ZNF430: variants seen among roughly 807,000 people sequenced by gnomAD.
ZNF430 encodes the protein zinc finger protein 430.
In ZNF430, 35 loss-of-function variants were observed where a neutral mutation model predicts 56.7. The observed-to-expected ratio is 0.62, with a 90% CI of 0.47 to 0.82. The LOEUF (loss-of-function observed/expected upper bound fraction) is 0.82. Ranked by LOEUF, ZNF430 falls within the 40% of genes least tolerant of loss-of-function variation. The pLI is 0.00. For missense variants in ZNF430, 574 were observed against 661.0 expected, an observed-to-expected ratio of 0.87 and a Z score of 1.44; for synonymous variants, 212 against 224.3, an observed-to-expected ratio of 0.94 and a Z score of 0.49.
chr19:21,052,280 G>T (rs1223155646), intron 4 of ZNF430, among the ~76,000 whole-genome samples: 2 of 152,132 alleles, frequency 1.3e-5, no homozygotes, highest in Non-Finnish European at 2.9e-5. Context: ...ACTGAGAAGG[G>T]CATGCATCCT....
At position 21,057,869 on chromosome 19, in the gene ZNF430, G is replaced by A. The variant is rs767861835; in HGVS notation, c.1561G>A (p.Ala521Thr). 6.2e-7 allele frequency: 1 copy of A among 1,613,842 alleles called. No individual in the cohort carries two copies. The highest frequency in any genetic ancestry group is 1.1e-5 in the South Asian group (1 of 91,068). The change falls in exon 5 of 5, where the codon GCC becomes ACC. Residue 521 changes from alanine to threonine, a missense_variant. By Grantham distance (58) the Ala-to-Thr change is moderately conservative (BLOSUM62 0). Around this residue, in one of 3 missense-constraint regions of ZNF430, gnomAD observed 213 missense variants for 221.0 expected, o/e 0.96. Transcript: ENST00000261560. ...TTACAAATACCTAGAATGTGATAAA[G>A]CCTTTAGCCAGTCTTCAACTCTTAC... ...TSYKYLECDK[A>T]FSQSSTLTKH...
At chr19:21,056,487 T>TA (rs78527457) in intron 4 of ZNF430, 144 bp from the exon 5 acceptor site, 98,819 of 460,362 alleles carry the variant, frequency 0.21, 2,244 homozygotes, top group Non-Finnish European at 0.23. Flanking sequence ...AGACTCTGTC[T>TA]AAAAAAAAAA....
chr19:21,033,513 C>T lies in ZNF430; in HGVS notation c.154C>T (p.Leu52=), dbSNP rs1967938972. ...IEFSLEEWQC[L]DTAQQDLYRK... is the part of the protein sequence containing the mutation. ...ATTTTCTCTGGAGGAGTGGCAATGCCTGGACACTGCTCAGCAGGATTTGTA... is the reference window on the plus strand; with the variant it reads ...ATTTTCTCTGGAGGAGTGGCAATGCTTGGACACTGCTCAGCAGGATTTGTA... Residue 52 remains leucine, a synonymous_variant, in exon 3 of 5, where the codon CTG becomes TTG. Transcript: ENST00000261560. 1.2e-6 allele frequency: 2 copies of T among 1,611,826 alleles called. No individual in the cohort carries two copies. The highest frequency in any genetic ancestry group is 1.3e-5 in the African/African-American group (1 of 74,824).
chr19:21,042,943 G>A (rs73014863), intron 4 of ZNF430, among the ~76,000 whole-genome samples: 10,800 of 152,170 alleles, frequency 0.071, 467 homozygotes, highest in Non-Finnish European at 0.086. Flanking sequence ...AAGTGTCCAT[G>A]TTCTTTGCCC....
Position 21,057,010 on chromosome 19 carries a change from A to T in ZNF430, c.702A>T (p.Gln234His). ...KRIHIRENSY[Q>H]CEECGKVFNW... ...TTCATATTAGGGAAAATTCTTACCA[A>T]TGTGAAGAATGTGGTAAAGTCTTTA... Residue 234 changes from glutamine (Q) to histidine (H), a missense_variant, in exon 5 of 5, where the codon CAA becomes CAT. By Grantham distance (24) the Gln-to-His change is conservative. Around this residue, in one of 3 missense-constraint regions of ZNF430, gnomAD observed 346 missense variants for 399.1 expected, o/e 0.87. Transcript: ENST00000261560. The T allele has an allele frequency of 6.2e-7, 1 of 1,614,048 alleles. No individual in the cohort carries two copies. The highest frequency in any genetic ancestry group is 8.5e-7 in the Non-Finnish European group (1 of 1,179,986).
intron 4 of ZNF430, chr19:21,035,236 TTTA>T (rs758834003): frequency 6.6e-6 from 1 of 152,212 alleles, no homozygotes; most frequent in East Asian, 1.9e-4. Context: ...TCTAATTTCT[TTTA>T]TTAATAACAT....
chr19:21,023,129 C>T (rs1051013419), intron 2 of ZNF430, among the ~76,000 whole-genome samples: 1 of 152,102 alleles, frequency 6.6e-6, no homozygotes, highest in Non-Finnish European at 1.5e-5. Flanking sequence ...AAAACACTGA[C>T]CCCAGTGAGA....
Position 21,059,583 on chromosome 19 carries a change from A to G in ZNF430, c.*1562A>G, listed in dbSNP as rs1335320565. ...AAAAACAACTAAAGTTGGTAGAAAA[A>G]TTATTTGTATATAACTTTAAAAGGA... On this transcript the variant is annotated 3_prime_UTR_variant, in exon 5 of 5. Coordinates refer to ENST00000261560, the MANE Select transcript of ZNF430 (RefSeq NM_025189.4). The G allele has an allele frequency of 6.6e-6, 1 of 151,302 alleles. No homozygotes were observed. Among genetic ancestry groups the G allele is most frequent in the Non-Finnish European group, 1.5e-5 (1 of 67,850 alleles). 9.4% of individuals were successfully genotyped at this position (151,302 alleles called of 1,614,324 possible). A position where few individuals can be genotyped will look rare whatever the true frequency, so the allele number is the denominator to read the frequency against.
chr19:21,058,102 G>A lies in ZNF430; in HGVS notation c.*81G>A. 1 of 1,315,474 alleles carries A rather than the reference G, an allele frequency of 7.6e-7. No individual in the cohort carries two copies. Among genetic ancestry groups the A allele is most frequent in the Non-Finnish European group, 1.0e-6 (1 of 960,770 alleles). The allele number at this position is 1,315,474 out of a possible 1,614,324, so 81.5% of individuals were successfully genotyped here. ...CATACTGAAGAGGAACCCTATGAGT[G>A]TGAAGAATATGGCAAAGCCTTCAAC... On this transcript the variant is annotated 3_prime_UTR_variant, in exon 5 of 5. Coordinates refer to ENST00000261560, the MANE Select transcript of ZNF430 (RefSeq NM_025189.4).
At chr19:21,055,701 G>T (rs1968363825) in intron 4 of ZNF430, among the ~76,000 whole-genome samples, 1 of 152,118 alleles carries the variant, frequency 6.6e-6, no homozygotes, top group African/African-American at 2.4e-5. Context: ...TGATCCGCCA[G>T]CCTTGGCCTC....
At chr19:21,054,761 GC>G (rs1968343431) in intron 4 of ZNF430, among the ~76,000 whole-genome samples, 1 of 129,200 alleles carries the variant, frequency 7.7e-6, no homozygotes, top group Non-Finnish European at 1.6e-5. Flanking sequence ...TATAAGCTCC[GC>G]CTCCCCGGTT....
chr19:21,032,092 G>A (rs977105682), intron 2 of ZNF430, among the ~76,000 whole-genome samples: 4 of 152,110 alleles, frequency 2.6e-5, no homozygotes, highest in African/African-American at 9.7e-5. Flanking sequence ...GGGAAAGCTG[G>A]GGTCCCTAGT....
chr19:21,029,755 G>A (rs1003109281), intron 2 of ZNF430, among the ~76,000 whole-genome samples: 33 of 152,092 alleles, frequency 2.2e-4, no homozygotes, highest in African/African-American at 7.7e-4. Flanking sequence ...TCATGAGGTC[G>A]AGAGTTTGAG....
chr19:21,057,822 T>C lies in ZNF430; in HGVS notation c.1514T>C (p.Ile505Thr). 6.2e-7 allele frequency: 1 copy of C among 1,613,098 alleles called. No homozygotes were observed. ...NQFSNLTKHK[I>T]THIGDTSYKY... ...TTCTCAAACCTTACTAAACATAAGA[T>C]AACTCATATTGGAGATACATCTTAC... is the stretch of plus-strand genomic sequence containing the variant. The change falls in exon 5 of 5, where the codon ATA (isoleucine) becomes ACA (threonine). Residue 505 changes from isoleucine to threonine, a missense_variant. Coordinates refer to ENST00000261560, the MANE Select transcript of ZNF430 (RefSeq NM_025189.4).
At position 21,020,723 on chromosome 19, in the gene ZNF430, C is replaced by G; in HGVS notation, c.-78C>G. 7 of 1,591,404 alleles carry G rather than the reference C, an allele frequency of 4.4e-6. No homozygotes were observed. Among genetic ancestry groups the G allele is most frequent in the East Asian group, 2.2e-5 (1 of 44,688 alleles). On this transcript the variant is annotated 5_prime_UTR_variant, in exon 1 of 5. Coordinates refer to ENST00000261560, the MANE Select transcript of ZNF430 (RefSeq NM_025189.4). ...CTCTGTGTCCTCTGCTCCTAGAGGT[C>G]CAGGCTCTGTGGCCCTGTGACCCGC... is the stretch of plus-strand genomic sequence containing the variant.
chr19:21,056,952 G>A lies in ZNF430; in HGVS notation c.644G>A (p.Cys215Tyr), dbSNP rs775920873. 2 of 1,613,744 alleles carry A rather than the reference G, an allele frequency of 1.2e-6. No individual in the cohort carries two copies. The highest frequency in any genetic ancestry group is 2.2e-5 in the South Asian group (2 of 90,970). ...TGTAAAAAATGTGACAAATCGTTTT[G>A]CATGCTTTTACACCTAACTCAACAT... ...FKCKKCDKSFCMLLHLTQHKR... is the reference protein window; with the variant it reads ...FKCKKCDKSFYMLLHLTQHKR... Residue 215 changes from cysteine (C) to tyrosine (Y), a missense_variant, in exon 5 of 5, where the codon TGC (cysteine) becomes TAC (tyrosine). By Grantham distance (194) the Cys-to-Tyr change is radical. Coordinates refer to ENST00000261560, the MANE Select transcript of ZNF430 (RefSeq NM_025189.4).
At chr19:21,029,821 C>T (rs541238367) in intron 2 of ZNF430, among the ~76,000 whole-genome samples, 5 of 152,130 alleles carry the variant, frequency 3.3e-5, no homozygotes, top group African/African-American at 4.8e-5. Context: ...AAAAATTAGC[C>T]GGGCGTGGTG....
At chr19:21,051,161 G>T (rs1465711355) in intron 4 of ZNF430, among the ~76,000 whole-genome samples, 5 of 152,002 alleles carry the variant, frequency 3.3e-5, no homozygotes, top group Admixed American at 1.3e-4. Context: ...TGACTTTCTG[G>T]CACTTTGCAA....
At chr19:21,046,274 G>A (rs1440851846) in intron 4 of ZNF430, among the ~76,000 whole-genome samples, 1 of 147,080 alleles carries the variant, frequency 6.8e-6, no homozygotes, top group East Asian at 2.0e-4. Context: ...AGTCAAGATT[G>A]TGCACTGCAC....
Sources: allele counts gnomAD v4.1 joint callset (sites outside exome capture counted in the v4.1 genomes callset), GRCh38; gene constraint gnomAD v4.1.1; regional missense constraint gnomAD v4.1.1; transcripts MANE v1.5; gene names NCBI Gene and HGNC (gene_info 2026-07-23, HGNC 2026-07-21).